TRIP12: variants seen among roughly 807,000 people sequenced by gnomAD.
TRIP12 encodes the protein thyroid hormone receptor interactor 12.
TRIP12 carries 25 observed loss-of-function variants against 244.2 expected under a neutral mutation model. The ratio of observed to expected loss-of-function variants is 0.10; its 90% CI spans 0.07 to 0.14. The LOEUF (loss-of-function observed/expected upper bound fraction) is 0.14, where lower values mean the gene tolerates loss of function less well. Ranked by LOEUF, TRIP12 falls within the 10% of genes least tolerant of loss-of-function variation. The pLI is 1.00. For synonymous variants in TRIP12, 905 were observed against 873.1 expected, an observed-to-expected ratio of 1.04 and a Z score of -0.64; for missense variants, 1,677 against 2,486.4, an observed-to-expected ratio of 0.67 and a Z score of 6.92.
At chr2:229,769,458 A>C (rs1574664159) in intron 39 of TRIP12, 133 bp from the exon 40 acceptor site, 1 of 237,216 alleles carries the variant, frequency 4.2e-6, no homozygotes, top group East Asian at 8.9e-5. Flanking sequence ...ACCTCTTTCC[A>C]AAAAAAAAAA....
rs891835523 is a variant in TRIP12 at position 229,773,375 on chromosome 2, AAT to A, written c.5694+720_5694+721del. ...GGGCATGAGCCACCGTGCCCAGCCTAATATATATATATGTATGTATTTTTAAG... is the reference window on the plus strand; with the variant it reads ...GGGCATGAGCCACCGTGCCCAGCCTAATATATATATGTATGTATTTTTAAG... On this transcript the variant is annotated intron_variant, in intron 38 of 41. Coordinates refer to ENST00000675903, the MANE Select transcript of TRIP12 (RefSeq NM_001348323.3). Among the ~76,000 whole-genome samples the A allele has an allele frequency of 5.3e-5, 8 of 151,584 alleles. No individual in the cohort carries two copies. The South Asian group carries it at 1.0e-3, about 20-fold the overall frequency.
At chr2:229,871,305 G>A (rs1397282994) in intron 2 of TRIP12, among the ~76,000 whole-genome samples, 1 of 152,160 alleles carries the variant, frequency 6.6e-6, no homozygotes, top group Non-Finnish European at 1.5e-5. Context: ...TGCAATATTA[G>A]AAAATTAAAA....
intron 38 of TRIP12, among the ~76,000 whole-genome samples, chr2:229,773,217 A>G (rs2154237868): frequency 6.6e-6 from 1 of 152,098 alleles, no homozygotes; most frequent in African/African-American, 2.4e-5. Context: ...CTGGGACTAC[A>G]GGTGTGTGCC....
chr2:229,865,318 CAAAAAAAA>C (rs767610234), intron 2 of TRIP12, among the ~76,000 whole-genome samples: 3 of 66,978 alleles, frequency 4.5e-5, no homozygotes, highest in East Asian at 6.1e-4. Flanking sequence ...CTCTCAACTA[CAAAAAAAA>C]AAAAAAAAAA....
At chr2:229,821,187 T>C (rs2049961982) in intron 8 of TRIP12, among the ~76,000 whole-genome samples, 1 of 152,174 alleles carries the variant, frequency 6.6e-6, no homozygotes, top group South Asian at 2.1e-4. Context: ...AACACAATGA[T>C]TGCTAGTACC....
chr2:229,813,740 C>T, intron 13 of TRIP12, 130 bp downstream of exon 13: 1 of 592,798 alleles, frequency 1.7e-6, no homozygotes, highest in Non-Finnish European at 2.3e-6. Context: ...GCTGAGATCA[C>T]ACCACTGCAC....
In TRIP12 at chr2:229,799,269, A is replaced by C. The variant is rs1380628747; in HGVS notation, c.3307+14T>G. ...CTCCCCTTTACCTCCCCATAGTTTC[A>C]TCAAAGGGGTTACCTTGATTGTCTA... On this transcript the variant is annotated intron_variant, in intron 22 of 41. Transcript: ENST00000675903. The C allele has an allele frequency of 1.2e-6, 2 of 1,613,398 alleles. No individual in the cohort carries two copies. Among genetic ancestry groups the C allele is most frequent in the South Asian group, 1.1e-5 (1 of 91,076 alleles).
intron 1 of TRIP12, among the ~76,000 whole-genome samples, chr2:229,888,453 A>C (rs2066523490): frequency 6.6e-6 from 1 of 152,006 alleles, no homozygotes. Context: ...GGAAAACATA[A>C]AAAAAAAGAA....
chr2:229,897,437 C>A (rs1368011419), intron 1 of TRIP12, among the ~76,000 whole-genome samples: 1 of 152,106 alleles, frequency 6.6e-6, no homozygotes, highest in Admixed American at 6.6e-5. Flanking sequence ...TATTTGAGGT[C>A]AGGAGTTGGA....
At chr2:229,839,512 C>T (rs2055797791) in intron 5 of TRIP12, among the ~76,000 whole-genome samples, 1 of 151,950 alleles carries the variant, frequency 6.6e-6, no homozygotes, top group African/African-American at 2.4e-5. Context: ...CCCATCTCTA[C>T]TAAAAATACA....
intron 27 of TRIP12, among the ~76,000 whole-genome samples, chr2:229,792,761 A>C (rs533547738): frequency 1.3e-5 from 2 of 152,310 alleles, no homozygotes; most frequent in South Asian, 4.1e-4. Flanking sequence ...CACCAAGATA[A>C]ATTAACTCAA....
At position 229,773,050 on chromosome 2, in the gene TRIP12, A is replaced by G. The variant is rs527831379; in HGVS notation, c.5694+1047T>C. On this transcript the variant is annotated intron_variant, in intron 38 of 41. Coordinates refer to ENST00000675903, the MANE Select transcript of TRIP12 (RefSeq NM_001348323.3). ...TTATTTTCCTGAATTTAGCAAATAT[A>G]GTCAAGCATCACAAATTAATATATA... is the stretch of plus-strand genomic sequence containing the variant. 1.1e-4 allele frequency among the ~76,000 whole-genome samples: 16 copies of G among 152,260 alleles called. No individual in the cohort carries two copies. In the South Asian group the frequency reaches 3.3e-3, roughly 32 times the overall value.
chr2:229,846,674 T>A (rs200642426), intron 4 of TRIP12, among the ~76,000 whole-genome samples: 5 of 151,800 alleles, frequency 3.3e-5, no homozygotes, highest in Admixed American at 6.6e-5. Context: ...AAAATAAATT[T>A]AAAAAAATGA....
intron 1 of TRIP12, among the ~76,000 whole-genome samples, chr2:229,890,171 C>G (rs1252407431): frequency 6.6e-6 from 1 of 151,748 alleles, no homozygotes; most frequent in Non-Finnish European, 1.5e-5. Flanking sequence ...CCTCCGCCTC[C>G]CAGGTTCAAG....
intron 37 of TRIP12, among the ~76,000 whole-genome samples, chr2:229,776,715 CTTG>C (rs1439216726): frequency 6.6e-6 from 1 of 152,106 alleles, no homozygotes; most frequent in Non-Finnish European, 1.5e-5. Context: ...AAAATAGAAT[CTTG>C]TTTTCTTCTA....
At chr2:229,793,318 A>C in intron 26 of TRIP12, 173 bp from the exon 27 acceptor site, 1 of 582,922 alleles carries the variant, frequency 1.7e-6, no homozygotes, top group Admixed American at 3.4e-5. Flanking sequence ...ATTTAGAAAA[A>C]ATTTTTATAC....
intron 4 of TRIP12, among the ~76,000 whole-genome samples, chr2:229,846,034 T>TG (rs1011858316): frequency 1.9e-3 from 223 of 116,186 alleles, no homozygotes; most frequent in African/African-American, 3.0e-3. Flanking sequence ...AAAAAAAAGG[T>TG]GGGGGGGGCA....
At chr2:229,878,650 C>CG (rs1441411329) in intron 2 of TRIP12, among the ~76,000 whole-genome samples, 1 of 150,560 alleles carries the variant, frequency 6.6e-6, no homozygotes, top group Non-Finnish European at 1.5e-5. Context: ...GGCGTGATCT[C>CG]GCTCACTGCA....
At chr2:229,816,189 C>T (rs1466706007) in intron 9 of TRIP12, among the ~76,000 whole-genome samples, 3 of 152,096 alleles carry the variant, frequency 2.0e-5, no homozygotes, top group Non-Finnish European at 4.4e-5. Flanking sequence ...ACCATACTCA[C>T]TCAATATGAA....
Sources: gnomAD v4.1 joint callset for allele counts (sites outside exome capture counted in the v4.1 genomes callset) on GRCh38, gnomAD v4.1.1 for gene constraint, MANE v1.5 for transcripts, NCBI Gene and HGNC (gene_info 2026-07-23, HGNC 2026-07-21) for gene names.